PRKRIP1: variants seen among roughly 807,000 people sequenced by gnomAD.
The protein encoded by PRKRIP1 is PRKR-interacting protein 1.
In PRKRIP1, 29 loss-of-function variants were observed where a neutral mutation model predicts 29.3. That is an observed-to-expected ratio of 0.99 (90% CI 0.74 to 1.35). The LOEUF is 1.35. Among genes scored for constraint, PRKRIP1 ranks in the 40% most tolerant of loss-of-function variants. The pLI is 0.00. For synonymous variants in PRKRIP1, 90 were observed against 85.1 expected (o/e 1.06, Z -0.32); for missense variants, 247 against 236.8 (o/e 1.04, Z -0.28).
chr7:102,420,981 C>G (rs1229900029), intron 5 of PRKRIP1, among the ~76,000 whole-genome samples: 2 of 152,174 alleles, frequency 1.3e-5, no homozygotes, highest in Non-Finnish European at 2.9e-5. Context: ...ACACCAGCAG[C>G]AGGTTCCCCA....
At chr7:102,400,547 G>A (rs539018708) in intron 3 of PRKRIP1, among the ~76,000 whole-genome samples, 5 of 152,232 alleles carry the variant, frequency 3.3e-5, no homozygotes, top group African/African-American at 7.2e-5. Context: ...TTGGGGTCAC[G>A]GTTGACTGGG....
At chr7:102,424,767 G>A (rs530549209) in intron 5 of PRKRIP1, among the ~76,000 whole-genome samples, 12 of 152,132 alleles carry the variant, frequency 7.9e-5, no homozygotes, top group Non-Finnish European at 1.6e-4. Flanking sequence ...CGGGTCTTGC[G>A]TGTGCCTCTG....
intron 5 of PRKRIP1, among the ~76,000 whole-genome samples, chr7:102,415,568 G>A (rs1480410202): frequency 6.6e-6 from 1 of 152,212 alleles, no homozygotes; most frequent in Admixed American, 6.5e-5. Context: ...ACATTGGATT[G>A]TCAGTCATTC....
intron 3 of PRKRIP1, 75 bp from the exon 4 acceptor site, chr7:102,404,523 C>G: frequency 1.6e-6 from 2 of 1,215,630 alleles, no homozygotes; most frequent in Non-Finnish European, 2.4e-6. Context: ...TAGAACTCTC[C>G]TACTTTGCCT....
At chr7:102,411,917 C>T (rs1796394954) in intron 5 of PRKRIP1, among the ~76,000 whole-genome samples, 1 of 135,510 alleles carries the variant, frequency 7.4e-6, no homozygotes, top group South Asian at 2.3e-4. Context: ...TGATGTTGGG[C>T]ATCTTTGTTG....
chr7:102,404,827 G>C, intron 4 of PRKRIP1, 144 bp downstream of exon 4: 1 of 577,500 alleles, frequency 1.7e-6, no homozygotes. Flanking sequence ...CCTGAGCAGA[G>C]AGCAAGTTCC....
intron 4 of PRKRIP1, among the ~76,000 whole-genome samples, chr7:102,405,543 TATG>T (rs1434548106): frequency 6.6e-6 from 1 of 152,158 alleles, no homozygotes; most frequent in Non-Finnish European, 1.5e-5. Context: ...TGCAGTGAGT[TATG>T]ATCGCACCAC....
At chr7:102,398,887 T>C (rs976599278) in intron 2 of PRKRIP1, among the ~76,000 whole-genome samples, 1 of 152,190 alleles carries the variant, frequency 6.6e-6, no homozygotes. Flanking sequence ...CCCAGCACTT[T>C]GGGAGGCCGA....
intron 3 of PRKRIP1, among the ~76,000 whole-genome samples, chr7:102,403,113 G>A (rs1796116708): frequency 6.6e-6 from 1 of 152,196 alleles, no homozygotes; most frequent in Non-Finnish European, 1.5e-5. Flanking sequence ...GACCTCAGGT[G>A]ATCTGCCCAC....
At chr7:102,406,094 G>T (rs1187265643) in intron 4 of PRKRIP1, among the ~76,000 whole-genome samples, 1 of 152,110 alleles carries the variant, frequency 6.6e-6, no homozygotes, top group Non-Finnish European at 1.5e-5. Context: ...ACTCGTGGTC[G>T]GGCATTGTCC....
intron 5 of PRKRIP1, among the ~76,000 whole-genome samples, chr7:102,418,541 A>G (rs1554573399): frequency 6.6e-6 from 1 of 152,146 alleles, no homozygotes; most frequent in Non-Finnish European, 1.5e-5. Flanking sequence ...ATCCCCATCC[A>G]TATTACACTA....
chr7:102,411,227 G>A (rs1275912454), intron 5 of PRKRIP1, among the ~76,000 whole-genome samples: 1 of 151,966 alleles, frequency 6.6e-6, no homozygotes, highest in Admixed American at 6.6e-5. Context: ...CCACCCTCAG[G>A]TAATTTTTGT....
chr7:102,425,058 G>C lies in PRKRIP1; in HGVS notation c.502G>C (p.Ala168Pro). ...GCAGGGGTCCAGCAGCTCTGCGGAG[G>C]CATCTGGAACAGAGGAGGAGGAGGA... The part of the protein sequence containing the change: ...KEQGSSSSAE[A>P]SGTEEEEEVP... The change falls in exon 6 of 6, where the codon GCA becomes CCA. Residue 168 changes from alanine to proline, a missense_variant. This residue lies in a region of PRKRIP1 where 134 missense variants were observed against 126.6 expected (regional missense o/e 1.06). Coordinates refer to ENST00000397912, the MANE Select transcript of PRKRIP1 (RefSeq NM_024653.4). The C allele has an allele frequency of 1.9e-6, 3 of 1,613,820 alleles. No individual in the cohort carries two copies. The East Asian group carries it at 6.7e-5, about 36-fold the overall frequency.
chr7:102,401,374 C>A (rs1554571149), intron 3 of PRKRIP1, among the ~76,000 whole-genome samples: 1 of 152,154 alleles, frequency 6.6e-6, no homozygotes, highest in African/African-American at 2.4e-5. Context: ...ACCAAAGAGA[C>A]AGCCAGGATA....
intron 5 of PRKRIP1, among the ~76,000 whole-genome samples, chr7:102,420,518 A>T (rs1796666460): frequency 1.3e-5 from 2 of 152,156 alleles, no homozygotes; most frequent in South Asian, 4.1e-4. Flanking sequence ...TAGCCACTTG[A>T]TGATTTCTTA....
chr7:102,424,932 TC>T, intron 5 of PRKRIP1, 81 bp from the exon 6 acceptor site: 1 of 1,424,364 alleles, frequency 7.0e-7, no homozygotes, highest in Non-Finnish European at 9.5e-7. Flanking sequence ...ACTTTTGACT[TC>T]CCATCAGCTC....
intron 5 of PRKRIP1, among the ~76,000 whole-genome samples, chr7:102,423,901 A>G (rs941637017): frequency 1.3e-5 from 2 of 152,162 alleles, no homozygotes; most frequent in Non-Finnish European, 1.5e-5. Flanking sequence ...GGCTCAAGTG[A>G]TCCATCCTCC....
rs11455142 is a variant in PRKRIP1, at chr7:102,416,683, GTTTT to G, written c.458-8321_458-8318del. 4.9e-5 allele frequency among the ~76,000 whole-genome samples: 7 copies of G among 143,182 alleles called. 1 individual carries two copies. The highest frequency in any genetic ancestry group is 1.8e-4 in the African/African-American group (7 of 38,680). 93.9% of individuals were successfully genotyped at this position (143,182 alleles called of 152,430 possible). On this transcript the variant is annotated intron_variant, in intron 5 of 5. Coordinates refer to ENST00000397912, the MANE Select transcript of PRKRIP1 (RefSeq NM_024653.4). ...ACGTGGCCATCAGGTTTTGTGGGGT[GTTTT>G]TTTTTTTTTGGAGACAGGGTCTCTC...
rs781791701 is a variant in PRKRIP1, at chr7:102,396,421, C to G, written c.10C>G (p.Pro4Ala). MASPAASSVRPPRP... is the reference protein window; with the variant it reads MASAAASSVRPPRP... ...AAACTGGAAGGCTGCCATGGCTAGC[C>G]CAGCCGCCTCCTCGGTGCGACCACC... The change falls in exon 1 of 6, where the codon CCA (proline) becomes GCA (alanine). Residue 4 changes from proline to alanine, a missense_variant. By Grantham distance (27) the Pro-to-Ala change is conservative. Around this residue, in one of 3 missense-constraint regions of PRKRIP1, gnomAD observed 105 missense variants for 80.2 expected, o/e 1.31. Coordinates refer to ENST00000397912, the MANE Select transcript of PRKRIP1 (RefSeq NM_024653.4). 6.3e-7 allele frequency: 1 copy of G among 1,584,130 alleles called. No individual in the cohort carries two copies. Among genetic ancestry groups the G allele is most frequent in the South Asian group, 1.1e-5 (1 of 89,528 alleles).
Sources: allele counts gnomAD v4.1 joint callset (sites outside exome capture counted in the v4.1 genomes callset), GRCh38; gene constraint gnomAD v4.1.1; regional missense constraint gnomAD v4.1.1; transcripts MANE v1.5; gene names NCBI Gene and HGNC (gene_info 2026-07-23, HGNC 2026-07-21).